Variants in FANCD2 observed in about 807,000 individuals in gnomAD.
FANCD2 encodes the protein Fanconi anemia group D2 protein.
In FANCD2, 131 loss-of-function variants were observed where a neutral mutation model predicts 192.3. The ratio of observed to expected loss-of-function variants is 0.68; its 90% CI spans 0.59 to 0.79. The LOEUF (loss-of-function observed/expected upper bound fraction) is 0.79. Ranked by LOEUF, FANCD2 falls within the 30% of genes least tolerant of loss-of-function variation. The probability of loss-of-function intolerance (pLI) is 0.00; values close to 1 mark genes in which losing one functional copy is unlikely to be tolerated. For missense variants in FANCD2, 1,508 were observed against 1,701.6 expected (o/e 0.89, Z 2.00); for synonymous variants, 524 against 612.5 (o/e 0.86, Z 2.13).
intron 2 of FANCD2, among the ~76,000 whole-genome samples, chr3:10,031,028 T>C (rs973427529): frequency 6.6e-6 from 1 of 152,178 alleles, no homozygotes; most frequent in Non-Finnish European, 1.5e-5. Context: ...TGAAAGTAAA[T>C]GTTATACTTT....
In FANCD2 at chr3:10,048,035, A is replaced by G; in HGVS notation, c.1397A>G (p.Asp466Gly). ...TACAAATATGCATTTAAGTTTTTTG[A>G]CACGTACTGCCAGCAGGTATGTTGA... is the stretch of plus-strand genomic sequence containing the variant. ...LLYKYAFKFFDTYCQQEVVGA... is the reference protein window; with the variant it reads ...LLYKYAFKFFGTYCQQEVVGA... The change falls in exon 16 of 44, where the codon GAC becomes GGC. Residue 466 changes from aspartate to glycine, a missense_variant. By Grantham distance (94) the Asp-to-Gly change is moderately conservative (BLOSUM62 -1). Around this residue, in one of 5 missense-constraint regions of FANCD2, gnomAD observed 108 missense variants for 174.1 expected, o/e 0.62. Transcript: ENST00000675286. 1.2e-6 allele frequency: 2 copies of G among 1,614,258 alleles called. No homozygotes were observed. Among genetic ancestry groups the G allele is most frequent in the African/African-American group, 2.7e-5 (2 of 75,090 alleles).
chr3:10,074,424 A>AT lies in FANCD2; in HGVS notation c.2716-100dup, dbSNP rs1052728580. ...AAGTTGTTATTATAATGAAAATGTA[A>AT]TTTTTTGCATTAAATAAATGCATAT... On this transcript the variant is annotated intron_variant, in intron 28 of 43. Transcript: ENST00000675286. The AT allele has an allele frequency of 2.9e-6, 3 of 1,032,122 alleles. 1 individual carries two copies. The allele number at this position is 1,032,122 out of a possible 1,614,324, so 63.9% of individuals were successfully genotyped here.
In FANCD2 at chr3:10,064,986, G is replaced by C. The variant is rs531435666; in HGVS notation, c.2168+111G>C. On this transcript the variant is annotated intron_variant, in intron 23 of 43. Coordinates refer to ENST00000675286, the MANE Select transcript of FANCD2 (RefSeq NM_001018115.3). ...AAAAAAGTTTCTCTCGAGACAAATG[G>C]TATTTGGAGAGGTTAGGGAGAATGG... The C allele has an allele frequency of 2.5e-4, 291 of 1,186,400 alleles. 1 individual carries two copies. The Admixed American group carries it at 3.1e-3, about 13-fold the overall frequency. The allele number at this position is 1,186,400 out of a possible 1,614,324, so 73.5% of individuals were successfully genotyped here. A position where few individuals can be genotyped will look rare whatever the true frequency, so the allele number is the denominator to read the frequency against.
chr3:10,033,042 A>G, intron 3 of FANCD2, 70 bp downstream of exon 3: 2 of 1,215,180 alleles, frequency 1.6e-6, no homozygotes, highest in Non-Finnish European at 2.4e-6. Context: ...TGGGTTTTCT[A>G]AATAGAGAGG....
intron 26 of FANCD2, among the ~76,000 whole-genome samples, chr3:10,067,999 A>T (rs1283005553): frequency 1.3e-5 from 2 of 152,320 alleles, no homozygotes; most frequent in African/African-American, 4.8e-5. Context: ...AACCCTCAGA[A>T]AACTGGGTAT....
Position 10,052,428 on chromosome 3 carries a change from AC to A in FANCD2, c.1588del (p.Arg530GlufsTer29). ...YLDNISPQQI[R>X]KLFYVLSTLA... ...TGGATAACATATCCCCTCAGCAAAT[AC>A]GAAAACTCTTCTATGTTCTCAGCAC... On this transcript the variant is annotated frameshift_variant, in exon 18 of 44. Coordinates refer to ENST00000675286, the MANE Select transcript of FANCD2 (RefSeq NM_001018115.3). LOFTEE classifies it high-confidence loss of function. 1 of 1,613,466 alleles carries A rather than the reference AC, an allele frequency of 6.2e-7. No individual in the cohort carries two copies. The highest frequency in any genetic ancestry group is 2.2e-5 in the East Asian group (1 of 44,886).
Position 10,064,814 on chromosome 3 carries a change from C to T in FANCD2, c.2107C>T (p.Leu703=), listed in dbSNP as rs2125035298. The T allele has an allele frequency of 6.2e-7, 1 of 1,613,974 alleles. No homozygotes were observed. Among genetic ancestry groups the T allele is most frequent in the Non-Finnish European group, 8.5e-7 (1 of 1,179,836 alleles). ...DGIAINLLPL[L]FSQDFAKDGG... Reference sequence around the variant, plus strand: ...GATTGCCATAAACCTCCTGCCGCTGCTGTTTTCTCAGGACTTTGCAAAAGA... The same window carrying T: ...GATTGCCATAAACCTCCTGCCGCTGTTGTTTTCTCAGGACTTTGCAAAAGA... The change falls in exon 23 of 44, where the codon CTG becomes TTG. Residue 703 remains leucine (L), a synonymous_variant. Transcript: ENST00000675286.
At chr3:10,087,366 T>A in intron 34 of FANCD2, 102 bp downstream of exon 34, 1 of 1,139,446 alleles carries the variant, frequency 8.8e-7, no homozygotes, top group Non-Finnish European at 1.2e-6. Context: ...TACATGTAAA[T>A]CCCCACATAA....
At chr3:10,069,484 C>CCCCT (rs2087814352) in intron 26 of FANCD2, among the ~76,000 whole-genome samples, 6 of 140,710 alleles carry the variant, frequency 4.3e-5, no homozygotes, top group Non-Finnish European at 7.5e-5. Flanking sequence ...CCTCCCCCTC[C>CCCCT]CCCTCTCCCG....
At chr3:10,087,773 C>A (rs1694309741) in intron 34 of FANCD2, among the ~76,000 whole-genome samples, 2 of 152,092 alleles carry the variant, frequency 1.3e-5, no homozygotes, top group African/African-American at 4.8e-5. Context: ...CTCAGCCTTT[C>A]AAGTAGCTGG....
At chr3:10,080,129 T>C (rs1693752571) in intron 30 of FANCD2, among the ~76,000 whole-genome samples, 1 of 151,964 alleles carries the variant, frequency 6.6e-6, no homozygotes, top group Admixed American at 6.6e-5. Context: ...TGGCCAGGAT[T>C]GTCTTGATCT....
Position 10,052,730 on chromosome 3 carries a change from C to T in FANCD2, c.1656+233C>T, listed in dbSNP as rs576959583. Among the ~76,000 whole-genome samples, 6 of 152,068 alleles carry T rather than the reference C, an allele frequency of 3.9e-5. No homozygotes were observed. The South Asian group carries it at 6.2e-4, about 16-fold the overall frequency. On this transcript the variant is annotated intron_variant, in intron 18 of 43. Coordinates refer to ENST00000675286, the MANE Select transcript of FANCD2 (RefSeq NM_001018115.3). The stretch of plus-strand genomic sequence containing the variant: ...AAAGTGGGCGAAGGACATGAACAGA[C>T]ACTTCTCAAAAGAAGACATTTATGC...
intron 40 of FANCD2, 68 bp downstream of exon 40, chr3:10,094,431 C>T: frequency 7.4e-7 from 1 of 1,351,606 alleles, no homozygotes. Flanking sequence ...TCCTTGGTGA[C>T]TCCTGGGTGG....
intron 26 of FANCD2, among the ~76,000 whole-genome samples, chr3:10,069,953 A>C: frequency 7.1e-6 from 1 of 141,154 alleles, no homozygotes; most frequent in Non-Finnish European, 1.5e-5. Flanking sequence ...CCTCTCTGCC[A>C]GGCTGCCCAG....
intron 2 of FANCD2, among the ~76,000 whole-genome samples, chr3:10,030,183 G>A (rs1358500609): frequency 6.1e-5 from 9 of 148,758 alleles, no homozygotes; most frequent in Non-Finnish European, 1.0e-4. Flanking sequence ...TGCAACCTCC[G>A]CCTCCCGGGT....
In FANCD2 at chr3:10,075,464, G is replaced by A. The variant is rs866703159; in HGVS notation, c.2859+791G>A. ...CTCCCAAAGTGCTGGGATTACAGGC[G>A]CAAGCCCCCGTGCCCGGCCCCATAG... is the stretch of plus-strand genomic sequence containing the variant. On this transcript the variant is annotated intron_variant, in intron 29 of 43. Coordinates refer to ENST00000675286, the MANE Select transcript of FANCD2 (RefSeq NM_001018115.3). 2.0e-5 allele frequency among the ~76,000 whole-genome samples: 3 copies of A among 152,134 alleles called. No homozygotes were observed. In the South Asian group the frequency reaches 6.2e-4, roughly 31 times the overall value.
chr3:10,066,000 G>A lies in FANCD2; in HGVS notation c.2385+21G>A, dbSNP rs1178132079. 3.5e-6 allele frequency: 5 copies of A among 1,418,398 alleles called. No individual in the cohort carries two copies. The South Asian group carries it at 4.6e-5, about 13-fold the overall frequency. 87.9% of individuals were successfully genotyped at this position (1,418,398 alleles called of 1,614,324 possible). A position where few individuals can be genotyped will look rare whatever the true frequency, so the allele number is the denominator to read the frequency against. ...GAGAGGTGAGCAGAGTTAATAGGAT[G>A]TTTCACTTATTGTGCATAGTTTTTC... On this transcript the variant is annotated intron_variant, in intron 25 of 43. Coordinates refer to ENST00000675286, the MANE Select transcript of FANCD2 (RefSeq NM_001018115.3).
At chr3:10,045,217 G>A (rs2086970787) in intron 14 of FANCD2, among the ~76,000 whole-genome samples, 1 of 151,800 alleles carries the variant, frequency 6.6e-6, no homozygotes, top group Non-Finnish European at 1.5e-5. Flanking sequence ...CACCTAGGCT[G>A]GACTGCACTG....
intron 37 of FANCD2, 92 bp from the exon 38 acceptor site, chr3:10,092,089 C>T (rs1220890072): frequency 1.1e-6 from 1 of 911,112 alleles, no homozygotes; most frequent in Admixed American, 1.7e-5. Flanking sequence ...ATCTGTATAG[C>T]TATGTAATTC....
Sources: allele counts gnomAD v4.1 joint callset (sites outside exome capture counted in the v4.1 genomes callset), GRCh38; gene constraint gnomAD v4.1.1; regional missense constraint gnomAD v4.1.1; transcripts MANE v1.5; gene names NCBI Gene and HGNC (gene_info 2026-07-23, HGNC 2026-07-21).